The following CRLF3 variants were observed in gnomAD, a reference collection of about 807,000 sequenced individuals.
CRLF3 encodes cytokine receptor like factor 3.
In CRLF3, 33 loss-of-function variants were observed where a neutral mutation model predicts 55.0. The observed-to-expected ratio is 0.60, with a 90% CI of 0.46 to 0.80. The LOEUF (loss-of-function observed/expected upper bound fraction) is 0.80. Among genes scored for constraint, CRLF3 ranks in the 30% least tolerant of loss-of-function variants. The probability of loss-of-function intolerance (pLI) is 0.00; values close to 1 mark genes in which losing one functional copy is unlikely to be tolerated. For synonymous variants in CRLF3, 238 were observed against 196.8 expected, an observed-to-expected ratio of 1.21 and a Z score of -1.75; for missense variants, 494 against 538.4, an observed-to-expected ratio of 0.92 and a Z score of 0.82.
At chr17:30,793,286 A>G (rs903343652) in intron 5 of CRLF3, among the ~76,000 whole-genome samples, 164 bp downstream of exon 5, 2 of 152,228 alleles carry the variant, frequency 1.3e-5, no homozygotes, top group African/African-American at 4.8e-5. Flanking sequence ...GATGAAAACA[A>G]AAATCACATG....
intron 1 of CRLF3, 41 bp downstream of exon 1, chr17:30,824,482 C>T: frequency 6.5e-7 from 1 of 1,545,396 alleles, no homozygotes. Flanking sequence ...ATCCGCGCCA[C>T]CCCCGGGCCC....
rs763824800 is a variant in CRLF3 at position 30,796,207 on chromosome 17, C to G, written c.556G>C (p.Glu186Gln). 16 of 1,613,648 alleles carry G rather than the reference C, an allele frequency of 9.9e-6. No individual in the cohort carries two copies. Among genetic ancestry groups the G allele is most frequent in the Non-Finnish European group, 1.3e-5 (15 of 1,179,810 alleles). Residue 186 changes from glutamate (E) to glutamine (Q), a missense_variant, in exon 4 of 8, where the codon GAA (glutamate) becomes CAA (glutamine). Physicochemically the swap from Glu to Gln is conservative, Grantham distance 29 (BLOSUM62 2). Coordinates refer to ENST00000324238, the MANE Select transcript of CRLF3 (RefSeq NM_015986.4). ...TVASRPPVQIEELIEKPGGII... is the reference protein window; with the variant it reads ...TVASRPPVQIQELIEKPGGII... ...CCTCCAGGTTTCTCTATTAGTTCTT[C>G]TATCTGTACTGGTGGGCGAGATGCT...
At chr17:30,804,233 A>G in intron 1 of CRLF3, 125 bp from the exon 2 acceptor site, 1 of 662,476 alleles carries the variant, frequency 1.5e-6, no homozygotes, top group Non-Finnish European at 2.6e-6. Flanking sequence ...AAAAAGATTA[A>G]CTGAAATTAT....
chr17:30,792,753 T>C, intron 5 of CRLF3, 181 bp from the exon 6 acceptor site: 1 of 493,054 alleles, frequency 2.0e-6, no homozygotes, highest in Non-Finnish European at 3.6e-6. Flanking sequence ...CAAAAGATTT[T>C]AGTATATTCC....
At chr17:30,810,597 C>CTGTA (rs974293742) in intron 1 of CRLF3, among the ~76,000 whole-genome samples, 6 of 151,898 alleles carry the variant, frequency 4.0e-5, no homozygotes, top group African/African-American at 1.5e-4. Flanking sequence ...AAAAACAAAA[C>CTGTA]TTACAAAGTT....
chr17:30,804,952 G>A (rs747333888), intron 1 of CRLF3, among the ~76,000 whole-genome samples: 282 of 152,316 alleles, frequency 1.9e-3, no homozygotes, highest in Non-Finnish European at 2.0e-3. Context: ...GGAGGCCGAG[G>A]AGGGCAGATC....
Position 30,824,630 on chromosome 17 carries a change from C to G in CRLF3, c.22G>C (p.Glu8Gln), listed in dbSNP as rs2142280620. Residue 8 changes from glutamate (E) to glutamine (Q), a missense_variant, in exon 1 of 8, where the codon GAG (glutamate) becomes CAG (glutamine). Coordinates refer to ENST00000324238, the MANE Select transcript of CRLF3 (RefSeq NM_015986.4). ...GCCTCCTGCAACAGCAGCTCAGGCT[C>G]CAGCTCCATCGCCCCCCTCATCTGG... Reference protein sequence around the residue: MRGAMELEPELLLQEARE... With the variant: MRGAMELQPELLLQEARE... The G allele has an allele frequency of 5.0e-6, 8 of 1,601,798 alleles. No individual in the cohort carries two copies. Among genetic ancestry groups the G allele is most frequent in the Non-Finnish European group, 6.8e-6 (8 of 1,178,018 alleles).
At chr17:30,792,727 T>C in intron 5 of CRLF3, 155 bp from the exon 6 acceptor site, 1 of 568,088 alleles carries the variant, frequency 1.8e-6, no homozygotes, top group Non-Finnish European at 3.0e-6. Context: ...GGTATCATGA[T>C]CAGTCCCACA....
Position 30,783,942 on chromosome 17 carries a change from A to T in CRLF3, c.*245T>A. On this transcript the variant is annotated 3_prime_UTR_variant, in exon 8 of 8. Transcript: ENST00000324238. ...CTATATCTTCTATACTTTTAATGCC[A>T]ATTTGATTTTTATTGTGATGTGATA... is the stretch of plus-strand genomic sequence containing the variant. 2.3e-6 allele frequency: 1 copy of T among 431,022 alleles called. No homozygotes were observed. Among genetic ancestry groups the T allele is most frequent in the Non-Finnish European group, 4.1e-6 (1 of 241,498 alleles). 26.7% of individuals were successfully genotyped at this position (431,022 alleles called of 1,614,324 possible).
At chr17:30,820,650 G>A (rs566155136) in intron 1 of CRLF3, among the ~76,000 whole-genome samples, 1 of 152,078 alleles carries the variant, frequency 6.6e-6, no homozygotes, top group South Asian at 2.1e-4. Flanking sequence ...AAAGTAGATG[G>A]GCATGGTGGC....
intron 6 of CRLF3, among the ~76,000 whole-genome samples, chr17:30,789,664 A>G (rs753293019): frequency 3.6e-4 from 55 of 151,080 alleles, no homozygotes; most frequent in Admixed American, 1.1e-3. Flanking sequence ...CATCCCTAAA[A>G]TAAATAACCC....
chr17:30,797,329 G>A lies in CRLF3; in HGVS notation c.407C>T (p.Ser136Leu), dbSNP rs770307802. Residue 136 changes from serine (S) to leucine (L), a missense_variant, in exon 3 of 8, where the codon TCG (serine) becomes TTG (leucine). By Grantham distance (145) the Ser-to-Leu change is moderately radical (BLOSUM62 -2). Coordinates refer to ENST00000324238, the MANE Select transcript of CRLF3 (RefSeq NM_015986.4). ...CTTTTACCTGTCCAACTGAATGTGCGAGGCCTTTTTGGTAAAGCTCCACAG... is the reference window on the plus strand; with the variant it reads ...CTTTTACCTGTCCAACTGAATGTGCAAGGCCTTTTTGGTAAAGCTCCACAG... ...EKLWSFTKKASHIQLDSLPEV... is the reference protein window; with the variant it reads ...EKLWSFTKKALHIQLDSLPEV... 8.7e-6 allele frequency: 14 copies of A among 1,613,334 alleles called. No homozygotes were observed. Among genetic ancestry groups the A allele is most frequent in the South Asian group, 5.5e-5 (5 of 91,074 alleles).
At chr17:30,787,818 T>C (rs544118892) in intron 6 of CRLF3, 2 of 151,868 alleles carry the variant, frequency 1.3e-5, no homozygotes, top group East Asian at 1.9e-4. Context: ...CTAGGCAACA[T>C]GGTGAAACCC....
chr17:30,795,138 A>G lies in CRLF3; in HGVS notation c.603+1022T>C, dbSNP rs139001234. Among the ~76,000 whole-genome samples the G allele has an allele frequency of 8.8e-3, 1,333 of 152,308 alleles. 20 individuals are homozygous for G. Among genetic ancestry groups the G allele is most frequent in the African/African-American group, 0.03 (1,255 of 41,564 alleles). ...ATAAAAATGGAATGACAGTCCTGTTAGAAAATAACAACAGCATGTTTATAA... is the reference window on the plus strand; with the variant it reads ...ATAAAAATGGAATGACAGTCCTGTTGGAAAATAACAACAGCATGTTTATAA... On this transcript the variant is annotated intron_variant, in intron 4 of 7. Transcript: ENST00000324238.
At chr17:30,813,750 C>G (rs1276351732) in intron 1 of CRLF3, among the ~76,000 whole-genome samples, 1 of 130,480 alleles carries the variant, frequency 7.7e-6, no homozygotes, top group East Asian at 2.7e-4. Flanking sequence ...AATGCTATCC[C>G]TCCCCCCTCC....
At chr17:30,795,666 C>T (rs150533526) in intron 4 of CRLF3, among the ~76,000 whole-genome samples, 1,935 of 149,362 alleles carry the variant, frequency 0.013, 22 homozygotes, top group African/African-American at 0.031. Context: ...CCAGGCACGG[C>T]GGCTCACACC....
At chr17:30,813,874 G>A (rs1904703868) in intron 1 of CRLF3, among the ~76,000 whole-genome samples, 1 of 151,648 alleles carries the variant, frequency 6.6e-6, no homozygotes, top group African/African-American at 2.4e-5. Context: ...CTGAAGATTA[G>A]GAAAATTTAG....
rs927829561 is a variant in CRLF3, at chr17:30,788,610, T to C, written c.960-2579A>G. The stretch of plus-strand genomic sequence containing the variant: ...CAAAGTAGTGCCTTCTTTTTTTTTT[T>C]TTTTTTTTTTTTTTTGAGACAGCAT... On this transcript the variant is annotated intron_variant, in intron 6 of 7. Transcript: ENST00000324238. 8.1e-4 allele frequency among the ~76,000 whole-genome samples: 112 copies of C among 137,704 alleles called. 1 individual carries two copies. The East Asian group carries it at 0.021, about 25-fold the overall frequency. 90.3% of individuals were successfully genotyped at this position (137,704 alleles called of 152,430 possible). A position where few individuals can be genotyped will look rare whatever the true frequency, so the allele number is the denominator to read the frequency against.
intron 1 of CRLF3, among the ~76,000 whole-genome samples, chr17:30,818,598 C>T (rs1406169448): frequency 6.0e-5 from 9 of 149,780 alleles, no homozygotes; most frequent in African/African-American, 1.7e-4. Flanking sequence ...AGATTACAGG[C>T]GCCCACCACC....
Sources: allele counts gnomAD v4.1 joint callset (sites outside exome capture counted in the v4.1 genomes callset), GRCh38; gene constraint gnomAD v4.1.1; transcripts MANE v1.5; gene names NCBI Gene and HGNC (gene_info 2026-07-23, HGNC 2026-07-21).